Variants in PEX7 observed in about 807,000 individuals in gnomAD.
The protein encoded by PEX7 is peroxisomal biogenesis factor 7.
A neutral mutation model predicts 47.5 loss-of-function variants in PEX7; 34 were observed. That is an observed-to-expected ratio of 0.72 (90% CI 0.54 to 0.95). PEX7 has a LOEUF of 0.95. PEX7 is among the 40% of genes least tolerant of loss of function. PEX7 has a pLI of 0.00. For missense variants in PEX7, 394 were observed against 400.3 expected, an observed-to-expected ratio of 0.98 and a Z score of 0.13; for synonymous variants, 141 against 148.8, an observed-to-expected ratio of 0.95 and a Z score of 0.38.
chr6:136,862,084 G>A (rs1358121290), intron 5 of PEX7, among the ~76,000 whole-genome samples: 1 of 137,572 alleles, frequency 7.3e-6, no homozygotes, highest in Non-Finnish European at 1.6e-5. Flanking sequence ...TTTTTTTTGG[G>A]GGGACAGAAA....
chr6:136,846,491 C>G (rs1027812154), intron 5 of PEX7, among the ~76,000 whole-genome samples: 1 of 152,162 alleles, frequency 6.6e-6, no homozygotes, highest in Non-Finnish European at 1.5e-5. Context: ...TATCTCTCCC[C>G]CCTTCCCCCA....
At chr6:136,873,152 A>G (rs1442360489) in intron 8 of PEX7, among the ~76,000 whole-genome samples, 1 of 152,170 alleles carries the variant, frequency 6.6e-6, no homozygotes, top group Non-Finnish European at 1.5e-5. Flanking sequence ...CAAGATGTAC[A>G]TAAAGATATA....
intron 8 of PEX7, among the ~76,000 whole-genome samples, chr6:136,892,275 G>C (rs1775569217): frequency 6.6e-6 from 1 of 152,144 alleles, no homozygotes; most frequent in Non-Finnish European, 1.5e-5. Flanking sequence ...AGTTTGAAGA[G>C]TTTAGGGGAT....
chr6:136,830,588 C>T (rs1370166274), intron 3 of PEX7, among the ~76,000 whole-genome samples: 1 of 152,110 alleles, frequency 6.6e-6, no homozygotes, highest in Non-Finnish European at 1.5e-5. Flanking sequence ...CATAAAATGC[C>T]TTTGGCTTTG....
At chr6:136,896,719 T>C (rs188750673) in intron 8 of PEX7, among the ~76,000 whole-genome samples, 3 of 152,384 alleles carry the variant, frequency 2.0e-5, no homozygotes, top group East Asian at 3.8e-4. Context: ...TATTAAATGC[T>C]TATTTTAAAA....
At chr6:136,840,805 G>C (rs1354978940) in intron 3 of PEX7, among the ~76,000 whole-genome samples, 1 of 152,060 alleles carries the variant, frequency 6.6e-6, no homozygotes. Flanking sequence ...TCCCTGTTAA[G>C]GTCTTTCCCT....
rs761605500 is a variant in PEX7 at position 136,825,261 on chromosome 6, C to CTTTTTAGAAGGTAAGGGGGCTGAAATTA, written c.181_188+20dup. On this transcript the variant is annotated stop_gained and frameshift_variant, in exon 2 of 10. Coordinates refer to ENST00000318471, the MANE Select transcript of PEX7 (RefSeq NM_000288.4). LOFTEE classifies it high-confidence loss of function. Reference sequence around the variant, plus strand: ...GGATCCAGATGAAGCTGGGCTAAGGCTTTTTAGAAGGTAAGGGGGCTGAAA... The same window carrying CTTTTTAGAAGGTAAGGGGGCTGAAATTA: ...GGATCCAGATGAAGCTGGGCTAAGGCTTTTTAGAAGGTAAGGGGGCTGAAATTATTTTTAGAAGGTAAGGGGGCTGAAA... The CTTTTTAGAAGGTAAGGGGGCTGAAATTA allele has an allele frequency of 5.0e-6, 8 of 1,612,604 alleles. No homozygotes were observed. Among genetic ancestry groups the CTTTTTAGAAGGTAAGGGGGCTGAAATTA allele is most frequent in the Non-Finnish European group, 5.9e-6 (7 of 1,178,716 alleles).
chr6:136,832,992 C>G (rs148066077), intron 3 of PEX7, among the ~76,000 whole-genome samples: 257 of 152,308 alleles, frequency 1.7e-3, no homozygotes, highest in African/African-American at 6.0e-3. Flanking sequence ...AGCCTCTGCC[C>G]GTTACCCAGT....
chr6:136,841,084 C>T (rs560747442), intron 3 of PEX7, among the ~76,000 whole-genome samples: 2 of 152,164 alleles, frequency 1.3e-5, no homozygotes, highest in Non-Finnish European at 2.9e-5. Context: ...TTGTAACCTC[C>T]TTTCCCCCCG....
At chr6:136,825,718 A>G (rs1436861430) in intron 2 of PEX7, among the ~76,000 whole-genome samples, 10 of 152,096 alleles carry the variant, frequency 6.6e-5, no homozygotes. Flanking sequence ...ATTTTTTAGT[A>G]GAGATGGGGT....
intron 8 of PEX7, among the ~76,000 whole-genome samples, chr6:136,882,144 AT>A (rs937987005): frequency 1.4e-5 from 2 of 140,928 alleles, no homozygotes; most frequent in Non-Finnish European, 3.1e-5. Flanking sequence ...TACTATGATA[AT>A]TCTTAATTGC....
intron 3 of PEX7, among the ~76,000 whole-genome samples, chr6:136,827,534 G>A (rs1774217060): frequency 6.6e-6 from 1 of 150,846 alleles, no homozygotes; most frequent in East Asian, 1.9e-4. Flanking sequence ...GTGTGTGTGT[G>A]TGTGTGTGTG....
At chr6:136,822,930 G>T in intron 1 of PEX7, 135 bp downstream of exon 1, 5 of 1,210,144 alleles carry the variant, frequency 4.1e-6, no homozygotes, top group Non-Finnish European at 5.1e-6. Context: ...GGGGGCAGAA[G>T]AGGCGCTGGT....
intron 7 of PEX7, 27 bp from the exon 8 acceptor site, chr6:136,872,171 G>GTTTT: frequency 7.2e-7 from 1 of 1,394,338 alleles, no homozygotes; most frequent in Non-Finnish European, 9.8e-7. Context: ...TTCAAAAAGG[G>GTTTT]TTTTTTTTTT....
chr6:136,904,643 T>C (rs1203343783), intron 9 of PEX7, among the ~76,000 whole-genome samples: 1 of 151,882 alleles, frequency 6.6e-6, no homozygotes, highest in East Asian at 1.9e-4. Flanking sequence ...TTTTTTTTTT[T>C]TTTTTTTACT....
At chr6:136,912,594 A>G (rs1032030147) in intron 9 of PEX7, among the ~76,000 whole-genome samples, 3 of 152,054 alleles carry the variant, frequency 2.0e-5, no homozygotes, top group African/African-American at 7.2e-5. Flanking sequence ...CTTTATCCTA[A>G]TCCTGCACAG....
At position 136,845,507 on chromosome 6, in the gene PEX7, G is replaced by T. The variant is rs559459893; in HGVS notation, c.340-108G>T. The T allele has an allele frequency of 4.0e-5, 30 of 746,518 alleles. No individual in the cohort carries two copies. The East Asian group carries it at 7.0e-4, about 17-fold the overall frequency. The allele number at this position is 746,518 out of a possible 1,614,324, so 46.2% of individuals were successfully genotyped here. On this transcript the variant is annotated intron_variant, in intron 3 of 9. Transcript: ENST00000318471. ...ATGGATAGGAATTATTTGATGTTTT[G>T]ACATAGTAAATTAGTTGTTCTGCCT...
intron 8 of PEX7, among the ~76,000 whole-genome samples, chr6:136,880,435 T>A (rs1775356843): frequency 6.6e-6 from 1 of 152,222 alleles, no homozygotes; most frequent in African/African-American, 2.4e-5. Context: ...TGGTTTTAGG[T>A]CAGCGTTAGA....
chr6:136,890,937 A>G (rs1385992522), intron 8 of PEX7, among the ~76,000 whole-genome samples: 1 of 152,152 alleles, frequency 6.6e-6, no homozygotes, highest in African/African-American at 2.4e-5. Flanking sequence ...TAGTGATACT[A>G]TTTCATGAGT....
Sources: allele counts gnomAD v4.1 joint callset (sites outside exome capture counted in the v4.1 genomes callset), GRCh38; gene constraint gnomAD v4.1.1; transcripts MANE v1.5; gene names NCBI Gene and HGNC (gene_info 2026-07-23, HGNC 2026-07-21).